The following BRINP1 variants were observed in gnomAD, a reference collection of about 807,000 sequenced individuals.
BRINP1 encodes the protein BMP/retinoic acid-inducible neural-specific protein 1.
BRINP1 carries 17 observed loss-of-function variants against 72.9 expected under a neutral mutation model. The observed-to-expected ratio is 0.23, with a 90% CI of 0.16 to 0.35. The LOEUF (loss-of-function observed/expected upper bound fraction) is 0.35, where lower values mean the gene tolerates loss of function less well. BRINP1 is among the 10% of genes least tolerant of loss of function. BRINP1 has a pLI of 1.00. For synonymous variants in BRINP1, 418 were observed against 378.5 expected, an observed-to-expected ratio of 1.10 and a Z score of -1.21; for missense variants, 850 against 1,001.6, an observed-to-expected ratio of 0.85 and a Z score of 2.04.
intron 7 of BRINP1, among the ~76,000 whole-genome samples, chr9:119,169,976 C>T (rs1401843881): frequency 2.6e-5 from 4 of 152,136 alleles, no homozygotes; most frequent in Non-Finnish European, 4.4e-5. Flanking sequence ...CAAAAACCCA[C>T]CTGTACATCA....
At chr9:119,195,983 G>C (rs758515647) in intron 7 of BRINP1, among the ~76,000 whole-genome samples, 2 of 152,090 alleles carry the variant, frequency 1.3e-5, no homozygotes, top group African/African-American at 2.4e-5. Flanking sequence ...ATGAAAACTT[G>C]ACCTCTTCTT....
chr9:119,299,766 T>A (rs1381445790), intron 2 of BRINP1, among the ~76,000 whole-genome samples: 1 of 152,204 alleles, frequency 6.6e-6, no homozygotes, highest in Non-Finnish European at 1.5e-5. Flanking sequence ...CCATCATGTA[T>A]GTATACCACA....
chr9:119,210,917 TGGTAGCA>T (rs1052126912), intron 6 of BRINP1, among the ~76,000 whole-genome samples: 5 of 152,168 alleles, frequency 3.3e-5, no homozygotes, highest in African/African-American at 1.2e-4. Flanking sequence ...ACTCGGTTGA[TGGTAGCA>T]TAAGATTGAC....
intron 5 of BRINP1, among the ~76,000 whole-genome samples, chr9:119,223,050 C>T (rs1830056999): frequency 1.3e-5 from 2 of 151,908 alleles, no homozygotes; most frequent in South Asian, 2.1e-4. Context: ...CCTGCCATAC[C>T]ATTATCTCTG....
chr9:119,218,252 T>C lies in BRINP1; in HGVS notation c.686-4097A>G, dbSNP rs899331806. Among the ~76,000 whole-genome samples, 165 of 149,202 alleles carry C rather than the reference T, an allele frequency of 1.1e-3. 2 individuals carry two copies. The highest frequency in any genetic ancestry group is 1.2e-4 in the Non-Finnish European group (8 of 67,576). On this transcript the variant is annotated intron_variant, in intron 5 of 7. Transcript: ENST00000265922. ...ACCGAGTCTCACTCTGTCACCAGGC[T>C]GGAGTGCAGTGGCACAATCTCAGGT... is the stretch of plus-strand genomic sequence containing the variant.
chr9:119,262,209 A>G (rs940771501), intron 2 of BRINP1, among the ~76,000 whole-genome samples: 1 of 152,138 alleles, frequency 6.6e-6, no homozygotes, highest in East Asian at 1.9e-4. Flanking sequence ...CAACCCAAAA[A>G]TCTCTCTAGC....
chr9:119,275,295 C>A (rs141503916), intron 2 of BRINP1, among the ~76,000 whole-genome samples: 1 of 152,218 alleles, frequency 6.6e-6, no homozygotes, highest in Non-Finnish European at 1.5e-5. Context: ...CAAATCATCT[C>A]TGAAGTCTTT....
intron 1 of BRINP1, among the ~76,000 whole-genome samples, chr9:119,355,473 A>G (rs970381303): frequency 1.3e-5 from 2 of 152,162 alleles, no homozygotes; most frequent in Non-Finnish European, 2.9e-5. Flanking sequence ...TCACGCCTGT[A>G]ATCCCAGCAC....
At chr9:119,319,720 C>T (rs1452502974) in intron 1 of BRINP1, among the ~76,000 whole-genome samples, 1 of 152,166 alleles carries the variant, frequency 6.6e-6, no homozygotes, top group Non-Finnish European at 1.5e-5. Context: ...GGCACAGTTA[C>T]CCAATTTAAC....
chr9:119,257,850 G>A (rs1344571253), intron 2 of BRINP1, among the ~76,000 whole-genome samples: 2 of 152,120 alleles, frequency 1.3e-5, no homozygotes, highest in African/African-American at 4.8e-5. Context: ...GCATCTTAAC[G>A]AGAGGGTGTC....
intron 2 of BRINP1, among the ~76,000 whole-genome samples, chr9:119,252,149 T>A (rs1830396600): frequency 6.6e-6 from 1 of 152,132 alleles, no homozygotes; most frequent in Non-Finnish European, 1.5e-5. Flanking sequence ...GACATCCACA[T>A]GGCAAGGAGC....
chr9:119,281,056 G>A (rs747133223), intron 2 of BRINP1, among the ~76,000 whole-genome samples: 1 of 152,110 alleles, frequency 6.6e-6, no homozygotes, highest in African/African-American at 2.4e-5. Context: ...AGTTAATCAG[G>A]GTTTTAGGCT....
chr9:119,245,430 GCA>G, intron 3 of BRINP1, among the ~76,000 whole-genome samples: 1 of 152,302 alleles, frequency 6.6e-6, no homozygotes, highest in Admixed American at 6.5e-5. Flanking sequence ...TGTCACACAG[GCA>G]CCCAGTCTCC....
intron 7 of BRINP1, among the ~76,000 whole-genome samples, chr9:119,203,725 G>T (rs1395072555): frequency 6.6e-6 from 1 of 152,124 alleles, no homozygotes; most frequent in Non-Finnish European, 1.5e-5. Flanking sequence ...TTTACAAATA[G>T]ACAACTCTAT....
At chr9:119,362,989 A>C (rs938775444) in intron 1 of BRINP1, among the ~76,000 whole-genome samples, 2 of 152,072 alleles carry the variant, frequency 1.3e-5, no homozygotes, top group African/African-American at 4.8e-5. Context: ...CTACCTTCCT[A>C]ATTCCCTTTT....
chr9:119,209,006 G>C (rs991818508), intron 6 of BRINP1, 65 bp from the exon 7 acceptor site: 1 of 1,356,206 alleles, frequency 7.4e-7, no homozygotes, highest in Non-Finnish European at 1.0e-6. Context: ...AAGTGGCCTT[G>C]AATGCTTAGT....
chr9:119,347,220 G>T (rs1374409480), intron 1 of BRINP1, among the ~76,000 whole-genome samples: 1 of 152,032 alleles, frequency 6.6e-6, no homozygotes, highest in Non-Finnish European at 1.5e-5. Context: ...CCCTTTACTA[G>T]CTCCTTCTCC....
At chr9:119,232,072 A>G (rs1305342536) in intron 5 of BRINP1, among the ~76,000 whole-genome samples, 3 of 152,196 alleles carry the variant, frequency 2.0e-5, no homozygotes, top group Admixed American at 2.0e-4. Flanking sequence ...CACATGTCCC[A>G]TCAAAACTGG....
chr9:119,302,658 A>ATC (rs1358308661), intron 2 of BRINP1, among the ~76,000 whole-genome samples: 1 of 152,174 alleles, frequency 6.6e-6, no homozygotes, highest in Non-Finnish European at 1.5e-5. Flanking sequence ...GCATGCTAAC[A>ATC]TCTTCTGTGT....
Sources: gnomAD v4.1 joint callset for allele counts (sites outside exome capture counted in the v4.1 genomes callset) on GRCh38, gnomAD v4.1.1 for gene constraint, MANE v1.5 for transcripts, NCBI Gene and HGNC (gene_info 2026-07-23, HGNC 2026-07-21) for gene names.